The following PTGER4 variants were observed in gnomAD, a reference collection of about 807,000 sequenced individuals.
PTGER4 encodes prostaglandin E2 receptor EP4 subtype.
PTGER4 carries 11 observed loss-of-function variants against 33.2 expected under a neutral mutation model. The observed-to-expected ratio is 0.33, with a 90% CI of 0.21 to 0.55. The LOEUF is 0.55. Among genes scored for constraint, PTGER4 ranks in the 20% least tolerant of loss-of-function variants. PTGER4 has a pLI of 0.92. For missense variants in PTGER4, 481 were observed against 650.2 expected (o/e 0.74, Z 2.83); for synonymous variants, 275 against 281.5 (o/e 0.98, Z 0.23).
downstream of PTGER4, among the ~76,000 whole-genome samples, chr5:40,697,665 G>A (rs1227369759): frequency 1.4e-5 from 2 of 140,612 alleles, no homozygotes; most frequent in African/African-American, 5.3e-5. Context: ...ATCAAAGGGA[G>A]TGTTATAGTT....
Position 40,692,775 on chromosome 5 carries a change from G to T in PTGER4, c.*397G>T. The T allele has an allele frequency of 1.0e-6, 1 of 995,846 alleles. No homozygotes were observed. Among genetic ancestry groups the T allele is most frequent in the Non-Finnish European group, 1.2e-6 (1 of 836,258 alleles). 61.7% of individuals were successfully genotyped at this position (995,846 alleles called of 1,614,324 possible). A position where few individuals can be genotyped will look rare whatever the true frequency, so the allele number is the denominator to read the frequency against. ...AATAAACTATGAGGACTGCCTTATG[G>T]ATGATTTAAGTGTCTCACTAAAGCA... On this transcript the variant is annotated 3_prime_UTR_variant, in exon 3 of 3. Coordinates refer to ENST00000302472, the MANE Select transcript of PTGER4 (RefSeq NM_000958.3).
the PTGER4 span, among the ~76,000 whole-genome samples, chr5:40,746,633 C>T: frequency 6.6e-6 from 1 of 152,164 alleles, no homozygotes; most frequent in African/African-American, 2.4e-5. Context: ...TACAAACTTT[C>T]ATTTTTCAGG....
At chr5:40,737,065 G>A in the PTGER4 span, among the ~76,000 whole-genome samples, 4 of 152,284 alleles carry the variant, frequency 2.6e-5, no homozygotes, top group Non-Finnish European at 5.9e-5. Flanking sequence ...GGAGGCCAAG[G>A]CAGGAAGATC....
At chr5:40,721,543 C>T in the PTGER4 span, among the ~76,000 whole-genome samples, 1 of 152,034 alleles carries the variant, frequency 6.6e-6, no homozygotes. Context: ...CTGGGAAAAC[C>T]GGATATCCGC....
At chr5:40,684,745 G>A (rs1741285010) in intron 2 of PTGER4, among the ~76,000 whole-genome samples, 1 of 152,088 alleles carries the variant, frequency 6.6e-6, no homozygotes, top group Admixed American at 6.5e-5. Flanking sequence ...TGATCTACAA[G>A]GAACATCACA....
the PTGER4 span, among the ~76,000 whole-genome samples, chr5:40,705,808 A>T: frequency 6.6e-6 from 1 of 152,216 alleles, no homozygotes; most frequent in African/African-American, 2.4e-5. Flanking sequence ...CTATTATAAG[A>T]AAGTCAAAAA....
chr5:40,708,734 G>A, the PTGER4 span, among the ~76,000 whole-genome samples: 1 of 152,158 alleles, frequency 6.6e-6, no homozygotes, highest in African/African-American at 2.4e-5. Flanking sequence ...AACAAAAAAA[G>A]AGAATTTTAG....
At chr5:40,713,780 T>A in the PTGER4 span, among the ~76,000 whole-genome samples, 1 of 152,190 alleles carries the variant, frequency 6.6e-6, no homozygotes, top group Non-Finnish European at 1.5e-5. Context: ...AACATCTATA[T>A]CATTATCATG....
the PTGER4 span, among the ~76,000 whole-genome samples, chr5:40,727,080 C>T: frequency 1.3e-5 from 2 of 152,198 alleles, no homozygotes; most frequent in Admixed American, 1.3e-4. Flanking sequence ...AAATTCCTTA[C>T]TATTTCTGAG....
the PTGER4 span, among the ~76,000 whole-genome samples, chr5:40,738,312 T>G: frequency 2.6e-5 from 4 of 151,086 alleles, no homozygotes; most frequent in African/African-American, 9.7e-5. Context: ...TAGTCGGGAG[T>G]GCTGAGGCAG....
chr5:40,691,721 T>C lies in PTGER4; in HGVS notation c.868-58T>C. On this transcript the variant is annotated intron_variant, in intron 2 of 2. Transcript: ENST00000302472. This position sits in a 1 kb window ranked among gnomAD's most constrained non-coding sequence, Gnocchi z 4.2. ...ATATTGATAAGGTAGACATAGCATT[T>C]ATATGTTTTCCCAATTGATTAATGA... 2 of 1,552,832 alleles carry C rather than the reference T, an allele frequency of 1.3e-6. No homozygotes were observed. Among genetic ancestry groups the C allele is most frequent in the Non-Finnish European group, 1.7e-6 (2 of 1,149,640 alleles).
At chr5:40,732,193 T>C in the PTGER4 span, among the ~76,000 whole-genome samples, 1 of 152,056 alleles carries the variant, frequency 6.6e-6, no homozygotes, top group African/African-American at 2.4e-5. Context: ...TATTTTTTTA[T>C]TTTTGTAGAG....
the PTGER4 span, among the ~76,000 whole-genome samples, chr5:40,707,094 A>G: frequency 1.3e-5 from 2 of 152,242 alleles, no homozygotes; most frequent in Admixed American, 1.3e-4. Context: ...TGTAAAGACC[A>G]TCAAGGCTAC....
the PTGER4 span, among the ~76,000 whole-genome samples, chr5:40,732,927 T>G: frequency 6.6e-6 from 1 of 152,190 alleles, no homozygotes; most frequent in Non-Finnish European, 1.5e-5. Flanking sequence ...AGATTCTATC[T>G]ACCTCATTTG....
the PTGER4 span, chr5:40,716,085 A>G: frequency 4.4e-6 from 6 of 1,365,854 alleles, no homozygotes; most frequent in Non-Finnish European, 6.0e-6. Context: ...AAATGTCTCT[A>G]TGTCAAAACT....
the PTGER4 span, among the ~76,000 whole-genome samples, chr5:40,746,092 G>T: frequency 6.6e-6 from 1 of 152,038 alleles, no homozygotes; most frequent in African/African-American, 2.4e-5. Flanking sequence ...TTTTCCTCTA[G>T]GTAGTAATCC....
chr5:40,716,057 C>G, the PTGER4 span: 6 of 1,123,132 alleles, frequency 5.3e-6, no homozygotes, highest in Non-Finnish European at 7.5e-6. Flanking sequence ...CAGGCGTTCT[C>G]CTATCTATCT....
At chr5:40,722,406 A>C in the PTGER4 span, among the ~76,000 whole-genome samples, 3 of 124,564 alleles carry the variant, frequency 2.4e-5, no homozygotes, top group Non-Finnish European at 5.1e-5. Flanking sequence ...CCGGCCGCCC[A>C]GTCTGGGAAG....
chr5:40,739,066 C>T, the PTGER4 span, among the ~76,000 whole-genome samples: 2 of 152,172 alleles, frequency 1.3e-5, no homozygotes, highest in Admixed American at 1.3e-4. Context: ...TGACCACATA[C>T]ATGTGGGTCA....
Sources: gnomAD v4.1 joint callset for allele counts (sites outside exome capture counted in the v4.1 genomes callset) on GRCh38, gnomAD v4.1.1 for gene constraint, Gnocchi (gnomAD v3.1) non-coding constraint, MANE v1.5 for transcripts, NCBI Gene and HGNC (gene_info 2026-07-23, HGNC 2026-07-21) for gene names.